Variants in CSPG5 observed in about 807,000 individuals in gnomAD.
CSPG5 encodes the protein acidic leucine-rich EGF-like domain-containing brain protein.
In CSPG5, 25 loss-of-function variants were observed where a neutral mutation model predicts 39.8. The observed-to-expected ratio is 0.63, with a 90% CI of 0.46 to 0.88. The LOEUF (loss-of-function observed/expected upper bound fraction) is 0.88, where lower values mean the gene tolerates loss of function less well. Among genes scored for constraint, CSPG5 ranks in the 40% least tolerant of loss-of-function variants. CSPG5 has a pLI of 0.00. For synonymous variants in CSPG5, 295 were observed against 303.9 expected (o/e 0.97, Z 0.31); for missense variants, 627 against 702.2 (o/e 0.89, Z 1.21).
intron 2 of CSPG5, among the ~76,000 whole-genome samples, chr3:47,575,507 G>A (rs943741610): frequency 6.6e-6 from 1 of 152,174 alleles, no homozygotes; most frequent in Non-Finnish European, 1.5e-5. Flanking sequence ...TTACTGATGA[G>A]CTACAGACAA....
chr3:47,574,553 T>A (rs1171897030), intron 2 of CSPG5, among the ~76,000 whole-genome samples: 2 of 152,226 alleles, frequency 1.3e-5, no homozygotes, highest in Non-Finnish European at 2.9e-5. Context: ...TACAATTTCT[T>A]AATCATAGTA....
In CSPG5 at chr3:47,562,486, A is replaced by G. The variant is rs2031118142; in HGVS notation, c.*114T>C. Reference sequence around the variant, plus strand: ...CATAAAAGCATGCCATGAGATCAGAAAAAGAAAAGAGTTTAACAAATGGTT... The same window carrying G: ...CATAAAAGCATGCCATGAGATCAGAGAAAGAAAAGAGTTTAACAAATGGTT... On this transcript the variant is annotated 3_prime_UTR_variant, in exon 5 of 5. Coordinates refer to ENST00000264723, the MANE Select transcript of CSPG5 (RefSeq NM_006574.4). 1 of 1,095,984 alleles carries G rather than the reference A, an allele frequency of 9.1e-7. No homozygotes were observed. The highest frequency in any genetic ancestry group is 2.5e-5 in the East Asian group (1 of 40,566). 67.9% of individuals were successfully genotyped at this position (1,095,984 alleles called of 1,614,324 possible).
chr3:47,570,962 G>A (rs2031506239), intron 3 of CSPG5, among the ~76,000 whole-genome samples: 1 of 152,068 alleles, frequency 6.6e-6, no homozygotes. Context: ...GTGATCATAA[G>A]ATGCCAGTGG....
In CSPG5 at chr3:47,562,498, T is replaced by A; in HGVS notation, c.*102A>T. Reference sequence around the variant, plus strand: ...CCATGAGATCAGAAAAAGAAAAGAGTTTAACAAATGGTTACAAGAAATAGA... The same window carrying A: ...CCATGAGATCAGAAAAAGAAAAGAGATTAACAAATGGTTACAAGAAATAGA... On this transcript the variant is annotated 3_prime_UTR_variant, in exon 5 of 5. Transcript: ENST00000264723. 3.4e-6 allele frequency: 4 copies of A among 1,171,396 alleles called. No homozygotes were observed. Among genetic ancestry groups the A allele is most frequent in the Non-Finnish European group, 1.2e-6 (1 of 843,042 alleles). The allele number at this position is 1,171,396 out of a possible 1,614,324, so 72.6% of individuals were successfully genotyped here. A position where few individuals can be genotyped will look rare whatever the true frequency, so the allele number is the denominator to read the frequency against.
intron 4 of CSPG5, among the ~76,000 whole-genome samples, chr3:47,567,139 C>T (rs2031340481): frequency 6.6e-6 from 1 of 152,180 alleles, no homozygotes; most frequent in South Asian, 2.1e-4. Flanking sequence ...GTATTAGAAA[C>T]ACAAGGGTCA....
chr3:47,570,785 G>A (rs1248977724), intron 3 of CSPG5, among the ~76,000 whole-genome samples: 2 of 152,192 alleles, frequency 1.3e-5, no homozygotes, highest in African/African-American at 4.8e-5. Context: ...CTCCCAAAGT[G>A]CTGGGATTAG....
intron 4 of CSPG5, among the ~76,000 whole-genome samples, chr3:47,566,049 CA>C (rs2031286009): frequency 6.6e-6 from 1 of 152,160 alleles, no homozygotes; most frequent in South Asian, 2.1e-4. Context: ...GTGCCACCGG[CA>C]CAGATACCAG....
At chr3:47,565,828 G>A (rs916867110) in intron 4 of CSPG5, among the ~76,000 whole-genome samples, 2 of 152,236 alleles carry the variant, frequency 1.3e-5, no homozygotes, top group African/African-American at 4.8e-5. Context: ...GCAGCCCAGT[G>A]TTGGGGCAGC....
intron 4 of CSPG5, among the ~76,000 whole-genome samples, chr3:47,567,882 C>T (rs1396353188): frequency 6.6e-6 from 1 of 152,204 alleles, no homozygotes; most frequent in African/African-American, 2.4e-5. Context: ...TGTGGTGGCA[C>T]ATGCCTCTAG....
At chr3:47,563,480 G>A (rs1247850118) in intron 4 of CSPG5, among the ~76,000 whole-genome samples, 1 of 152,176 alleles carries the variant, frequency 6.6e-6, no homozygotes, top group East Asian at 1.9e-4. Context: ...CTACAGCCCT[G>A]TGACAAGCTC....
intron 3 of CSPG5, among the ~76,000 whole-genome samples, chr3:47,569,945 A>C (rs2031468834): frequency 6.6e-6 from 1 of 151,864 alleles, no homozygotes; most frequent in African/African-American, 2.4e-5. Context: ...ATGGGGTTTG[A>C]CCATGTTGCC....
intron 2 of CSPG5, among the ~76,000 whole-genome samples, chr3:47,573,996 G>A (rs1021179708): frequency 1.3e-5 from 2 of 152,212 alleles, no homozygotes; most frequent in South Asian, 2.1e-4. Flanking sequence ...TGCAACCAAC[G>A]GCTCAGCAGT....
intron 2 of CSPG5, among the ~76,000 whole-genome samples, chr3:47,576,081 T>C (rs186024927): frequency 6.6e-6 from 1 of 151,972 alleles, no homozygotes; most frequent in East Asian, 1.9e-4. Flanking sequence ...ATTACAGGCA[T>C]GTGCCACCAC....
In CSPG5 at chr3:47,572,614, G is replaced by T; in HGVS notation, c.1382+72C>A. 1 of 1,300,598 alleles carries T rather than the reference G, an allele frequency of 7.7e-7. No homozygotes were observed. The highest frequency in any genetic ancestry group is 1.1e-6 in the Non-Finnish European group (1 of 910,534). The allele number at this position is 1,300,598 out of a possible 1,614,324, so 80.6% of individuals were successfully genotyped here. A position where few individuals can be genotyped will look rare whatever the true frequency, so the allele number is the denominator to read the frequency against. Reference sequence around the variant, plus strand: ...TCACGACAAAGTCCCTGGATCAGTTGGAGGGGTGCAGCAGCGTCGGGGGGC... The same window carrying T: ...TCACGACAAAGTCCCTGGATCAGTTTGAGGGGTGCAGCAGCGTCGGGGGGC... On this transcript the variant is annotated intron_variant, in intron 3 of 4. Transcript: ENST00000264723. This position sits in a 1 kb window ranked among gnomAD's most constrained non-coding sequence, Gnocchi z 4.5.
chr3:47,577,743 C>G lies in CSPG5; in HGVS notation c.283G>C (p.Val95Leu), dbSNP rs2031821844. 1.3e-6 allele frequency: 2 copies of G among 1,583,390 alleles called. No homozygotes were observed. The highest frequency in any genetic ancestry group is 1.7e-6 in the Non-Finnish European group (2 of 1,170,674). ...GCTTCCAGCCAGGCGGTGCCGGTCA[C>G]CGCAGCCGACTCCTGCAGCACCTCT... Reference protein sequence around the residue: ...PEEVLQESAAVTGTAWLEADS... With the variant: ...PEEVLQESAALTGTAWLEADS... Residue 95 changes from valine to leucine, a missense_variant, in exon 2 of 5, where the codon GTG (valine) becomes CTG (leucine). Val to Leu is a conservative substitution (Grantham distance 32, BLOSUM62 1). Coordinates refer to ENST00000264723, the MANE Select transcript of CSPG5 (RefSeq NM_006574.4). This position sits in a 1 kb window ranked among gnomAD's most constrained non-coding sequence, Gnocchi z 4.7.
rs1331696738 is a variant in CSPG5, at chr3:47,572,816, C to T, written c.1252G>A (p.Asp418Asn). 6 of 1,613,992 alleles carry T rather than the reference C, an allele frequency of 3.7e-6. No individual in the cohort carries two copies. The highest frequency in any genetic ancestry group is 2.2e-5 in the South Asian group (2 of 91,060). ...KGMRCESIIT[D>N]FQVMCVAVGS... ...ACGGCCACGCACATCACCTGGAAGT[C>T]GGTGATGATGGACTCGCAGCGCATC... Residue 418 changes from aspartate (D) to asparagine (N), a missense_variant, in exon 3 of 5, where the codon GAC becomes AAC. Coordinates refer to ENST00000264723, the MANE Select transcript of CSPG5 (RefSeq NM_006574.4). This position sits in a 1 kb window ranked among gnomAD's most constrained non-coding sequence, Gnocchi z 4.5.
In CSPG5 at chr3:47,563,357, G is replaced by C. The variant is rs752534648; in HGVS notation, c.1459-596C>G. On this transcript the variant is annotated intron_variant, in intron 4 of 4. Transcript: ENST00000264723. ...CCTGCTAAAAGATGCTAGCTAAAAA[G>C]GTATGTCCTCAATCCAAGCCCGAAT... Among the ~76,000 whole-genome samples the C allele has an allele frequency of 8.6e-5, 13 of 152,042 alleles. 1 individual carries two copies. The highest frequency in any genetic ancestry group is 5.9e-5 in the Non-Finnish European group (4 of 67,984).
At chr3:47,568,225 T>C (rs2031386520) in intron 4 of CSPG5, among the ~76,000 whole-genome samples, 1 of 152,246 alleles carries the variant, frequency 6.6e-6, no homozygotes, top group African/African-American at 2.4e-5. Flanking sequence ...TGCATTTATC[T>C]TGAAGTATGG....
chr3:47,576,648 T>TG (rs1236937010), intron 2 of CSPG5, among the ~76,000 whole-genome samples, 185 bp downstream of exon 2: 2 of 151,858 alleles, frequency 1.3e-5, no homozygotes, highest in Non-Finnish European at 2.9e-5. Context: ...TTAGTAGAGA[T>TG]GGGGTTTCAC....
Sources: allele counts gnomAD v4.1 joint callset (sites outside exome capture counted in the v4.1 genomes callset), GRCh38; gene constraint gnomAD v4.1.1; non-coding constraint Gnocchi (gnomAD v3.1); transcripts MANE v1.5; gene names NCBI Gene and HGNC (gene_info 2026-07-23, HGNC 2026-07-21).